Variants in SULT2A1 observed in about 807,000 individuals in gnomAD.
SULT2A1 encodes sulfotransferase 2A1.
In SULT2A1, 43 loss-of-function variants were observed where a neutral mutation model predicts 33.9. The observed-to-expected ratio is 1.27, with a 90% CI of 1.00 to 1.64. The LOEUF (loss-of-function observed/expected upper bound fraction) is 1.64, where lower values mean the gene tolerates loss of function less well. SULT2A1 is among the 40% of genes most tolerant of loss of function. SULT2A1 has a pLI of 0.00. For missense variants in SULT2A1, 300 were observed against 335.1 expected (o/e 0.90, Z 0.82); for synonymous variants, 125 against 113.6 (o/e 1.10, Z -0.64).
rs1968485474 is a variant in SULT2A1 at position 47,871,058 on chromosome 19, G to A, written c.*397C>T. 1 of 164,486 alleles carries A rather than the reference G, an allele frequency of 6.1e-6. No homozygotes were observed. Among genetic ancestry groups the A allele is most frequent in the Non-Finnish European group, 1.3e-5 (1 of 76,268 alleles). 10.2% of individuals were successfully genotyped at this position (164,486 alleles called of 1,614,324 possible). A position where few individuals can be genotyped will look rare whatever the true frequency, so the allele number is the denominator to read the frequency against. ...AGGGTTTCATCATGTTGGCCAGGAT[G>A]GTCTCGATCTCCTGACCCCGTGATC... is the stretch of plus-strand genomic sequence containing the variant. On this transcript the variant is annotated 3_prime_UTR_variant, in exon 6 of 6. Coordinates refer to ENST00000222002, the MANE Select transcript of SULT2A1 (RefSeq NM_003167.4).
intron 1 of SULT2A1, among the ~76,000 whole-genome samples, chr19:47,884,804 CTTTT>C (rs71181611): frequency 9.4e-5 from 6 of 64,006 alleles, no homozygotes; most frequent in South Asian, 7.2e-4. Flanking sequence ...CTCTCAACCA[CTTTT>C]TTTTTTTTTT....
In SULT2A1 at chr19:47,882,076, ACACT is replaced by A. The variant is rs760851257; in HGVS notation, c.472+4_472+7del. 7 of 1,613,230 alleles carry A rather than the reference ACACT, an allele frequency of 4.3e-6. No individual in the cohort carries two copies. Among genetic ancestry groups the A allele is most frequent in the Non-Finnish European group, 5.9e-6 (7 of 1,179,800 alleles). The stretch of plus-strand genomic sequence containing the variant: ...TCCAAGCACCCCCATATTTTGTGAA[ACACT>A]CACCAGTTCCTTGACAAAACCATTC... On this transcript the variant is annotated splice_donor_5th_base_variant and intron_variant, in intron 3 of 5. Coordinates refer to ENST00000222002, the MANE Select transcript of SULT2A1 (RefSeq NM_003167.4).
At position 47,883,692 on chromosome 19, in the gene SULT2A1, C is replaced by T. The variant is rs1451267917; in HGVS notation, c.230G>A (p.Trp77Ter). The T allele has an allele frequency of 6.2e-7, 1 of 1,614,106 alleles. No individual in the cohort carries two copies. Among genetic ancestry groups the T allele is most frequent in the Admixed American group, 1.7e-5 (1 of 59,998 alleles). The change falls in exon 2 of 6, where the codon TGG becomes TAG. Residue 77 changes from tryptophan to a stop codon, truncating the protein, a stop_gained. Transcript: ENST00000222002. LOFTEE classifies it high-confidence loss of function. ...TGTATACCCAATCTCACTCTCTACC[C>T]AGGGTGATCGCTCCCAGATGGGCAC... ...QSVPIWERSP[W>*]VESEIGYTAL...
intron 5 of SULT2A1, among the ~76,000 whole-genome samples, chr19:47,874,432 C>T (rs560957849): frequency 4.7e-5 from 7 of 149,580 alleles, no homozygotes; most frequent in East Asian, 2.0e-4. Flanking sequence ...TCCAGCTACT[C>T]GGGAGGCTGA....
At position 47,871,466 on chromosome 19, in the gene SULT2A1, G is replaced by A. The variant is rs764823849; in HGVS notation, c.847C>T (p.Pro283Ser). ...KMADLPRELF[P>S]WE The stretch of plus-strand genomic sequence containing the variant: ...GAGTGTTTTGGACGTTATTCCCATG[G>A]GAACAGCTCTCGAGGAAGATCTGCC... The change falls in exon 6 of 6, where the codon CCA becomes TCA. Residue 283 changes from proline (P) to serine (S), a missense_variant. By Grantham distance (74) the Pro-to-Ser change is moderately conservative. Coordinates refer to ENST00000222002, the MANE Select transcript of SULT2A1 (RefSeq NM_003167.4). 8 of 1,613,380 alleles carry A rather than the reference G, an allele frequency of 5.0e-6. No individual in the cohort carries two copies. The South Asian group carries it at 8.8e-5, about 18-fold the overall frequency.
At chr19:47,872,656 T>C (rs990403513) in intron 5 of SULT2A1, among the ~76,000 whole-genome samples, 1 of 152,122 alleles carries the variant, frequency 6.6e-6, no homozygotes, top group East Asian at 1.9e-4. Context: ...TTTCGCCTCA[T>C]AACACATATC....
chr19:47,872,556 G>T lies in SULT2A1; in HGVS notation c.746-989C>A, dbSNP rs573441539. On this transcript the variant is annotated intron_variant, in intron 5 of 5. Transcript: ENST00000222002. ...AGATTGGCCCATGACTTGCCTATTT[G>T]CCTCTTTCAAGTCTTTATTCCAATT... 2.0e-5 allele frequency among the ~76,000 whole-genome samples: 3 copies of T among 152,058 alleles called. No individual in the cohort carries two copies. In the South Asian group the frequency reaches 6.2e-4, roughly 32 times the overall value.
chr19:47,874,836 TA>T lies in SULT2A1; in HGVS notation c.568-3del, dbSNP rs1461637923. 1.5e-5 allele frequency: 24 copies of T among 1,610,420 alleles called. No homozygotes were observed. The highest frequency in any genetic ancestry group is 5.4e-5 in the African/African-American group (4 of 74,650). On this transcript the variant is annotated splice_polypyrimidine_tract_variant and splice_region_variant and intron_variant, in intron 4 of 5. Coordinates refer to ENST00000222002, the MANE Select transcript of SULT2A1 (RefSeq NM_003167.4). ...CTTCTCTATGGTTCTTCCTGTGTCC[TA>T]AAAAAGAAAAATCAAGAGAGAGGAT...
rs187206258 is a variant in SULT2A1, at chr19:47,875,346, T to C, written c.568-512A>G. Among the ~76,000 whole-genome samples the C allele has an allele frequency of 2.9e-3, 438 of 151,360 alleles. 4 individuals carry two copies. The highest frequency in any genetic ancestry group is 0.015 in the East Asian group (78 of 5,078). On this transcript the variant is annotated intron_variant, in intron 4 of 5. Coordinates refer to ENST00000222002, the MANE Select transcript of SULT2A1 (RefSeq NM_003167.4). ...GAGAGGGCATGAAGTATGTAAAAGATGCAAGGATGGGTTGGGCGCCGTGGC... is the reference window on the plus strand; with the variant it reads ...GAGAGGGCATGAAGTATGTAAAAGACGCAAGGATGGGTTGGGCGCCGTGGC...
chr19:47,878,951 A>C, intron 4 of SULT2A1, 85 bp downstream of exon 4: 1 of 878,050 alleles, frequency 1.1e-6, no homozygotes, highest in Admixed American at 1.7e-5. Flanking sequence ...GGGTGGAATG[A>C]AGACACAGCG....
chr19:47,883,668 G>A lies in SULT2A1; in HGVS notation c.254C>T (p.Thr85Ile), dbSNP rs1968624324. 1.9e-6 allele frequency: 3 copies of A among 1,613,976 alleles called. No individual in the cohort carries two copies. The highest frequency in any genetic ancestry group is 2.5e-6 in the Non-Finnish European group (3 of 1,180,036). Residue 85 changes from threonine (T) to isoleucine (I), a missense_variant, in exon 2 of 6, where the codon ACA becomes ATA. By Grantham distance (89) the Thr-to-Ile change is moderately conservative. Transcript: ENST00000222002. Reference sequence around the variant, plus strand: ...TGGACTCTCCGTTTCACTGAGTGCTGTATACCCAATCTCACTCTCTACCCA... The same window carrying A: ...TGGACTCTCCGTTTCACTGAGTGCTATATACCCAATCTCACTCTCTACCCA... The part of the protein sequence containing the change: ...SPWVESEIGY[T>I]ALSETESPRL...
chr19:47,883,249 G>C (rs540584949), intron 2 of SULT2A1, among the ~76,000 whole-genome samples: 1 of 151,972 alleles, frequency 6.6e-6, no homozygotes, highest in African/African-American at 2.4e-5. Flanking sequence ...TTATTTTTTA[G>C]GGCAACCAAA....
intron 3 of SULT2A1, among the ~76,000 whole-genome samples, chr19:47,880,409 C>G (rs569948741): frequency 6.6e-6 from 1 of 151,670 alleles, no homozygotes; most frequent in Non-Finnish European, 1.5e-5. Flanking sequence ...GATTACAATT[C>G]GAGATGAGAT....
chr19:47,872,149 C>A (rs1968498705), intron 5 of SULT2A1, among the ~76,000 whole-genome samples: 1 of 152,112 alleles, frequency 6.6e-6, no homozygotes, highest in South Asian at 2.1e-4. Flanking sequence ...AACTTCTGAC[C>A]TCAGGTGATC....
At chr19:47,883,013 C>A (rs1968617388) in intron 2 of SULT2A1, among the ~76,000 whole-genome samples, 1 of 152,050 alleles carries the variant, frequency 6.6e-6, no homozygotes, top group Non-Finnish European at 1.5e-5. Flanking sequence ...CCTGGATATG[C>A]CTTGTCCCTC....
chr19:47,886,203 T>C lies in SULT2A1; in HGVS notation c.55A>G (p.Arg19Gly). 1 of 1,614,118 alleles carries C rather than the reference T, an allele frequency of 6.2e-7. No homozygotes were observed. The highest frequency in any genetic ancestry group is 8.5e-7 in the Non-Finnish European group (1 of 1,179,982). The change falls in exon 1 of 6, where the codon AGA becomes GGA. Residue 19 changes from arginine (R) to glycine (G), a missense_variant. Transcript: ENST00000222002. ...EGIAFPTMGFRSETLRKVRDE... is the reference protein window; with the variant it reads ...EGIAFPTMGFGSETLRKVRDE... Reference sequence around the variant, plus strand: ...CGTACTTTTCTTAAGGTTTCGGATCTGAAACCCATAGTAGGGAAAGCTATG... The same window carrying C: ...CGTACTTTTCTTAAGGTTTCGGATCCGAAACCCATAGTAGGGAAAGCTATG...
chr19:47,883,838 G>T, intron 1 of SULT2A1, 53 bp from the exon 2 acceptor site: 1 of 1,541,116 alleles, frequency 6.5e-7, no homozygotes, highest in Non-Finnish European at 8.8e-7. Flanking sequence ...GCCGGACATG[G>T]TGGCTCACGC....
At chr19:47,877,392 C>A (rs917451868) in intron 4 of SULT2A1, among the ~76,000 whole-genome samples, 7 of 150,960 alleles carry the variant, frequency 4.6e-5, no homozygotes, top group African/African-American at 1.5e-4. Context: ...GTGCACAACA[C>A]CACGCCTGGC....
At chr19:47,881,997 T>C in intron 3 of SULT2A1, 87 bp downstream of exon 3, 1 of 1,559,766 alleles carries the variant, frequency 6.4e-7, no homozygotes, top group Non-Finnish European at 8.7e-7. Context: ...AACCCATGGG[T>C]TGGTGAGATG....
Sources: allele counts gnomAD v4.1 joint callset (sites outside exome capture counted in the v4.1 genomes callset), GRCh38; gene constraint gnomAD v4.1.1; transcripts MANE v1.5; gene names NCBI Gene and HGNC (gene_info 2026-07-23, HGNC 2026-07-21).